The following MTUS2 variants were observed in gnomAD, a reference collection of about 807,000 sequenced individuals.
The protein encoded by MTUS2 is microtubule associated scaffold protein 2, also known as microtubule-associated tumor suppressor candidate 2.
In MTUS2, 40 loss-of-function variants were observed where a neutral mutation model predicts 114.1. That is an observed-to-expected ratio of 0.35 (90% CI 0.27 to 0.46). The LOEUF is 0.46. MTUS2 is among the 20% of genes least tolerant of loss of function. MTUS2 has a pLI of 1.00. For missense variants in MTUS2, 1,679 were observed against 1,705.4 expected, an observed-to-expected ratio of 0.98 and a Z score of 0.27; for synonymous variants, 688 against 672.0, an observed-to-expected ratio of 1.02 and a Z score of -0.37.
intron 9 of MTUS2, among the ~76,000 whole-genome samples, chr13:29,475,119 A>T (rs1015376777): frequency 4.6e-5 from 7 of 152,250 alleles, no homozygotes; most frequent in African/African-American, 1.4e-4. Flanking sequence ...CATGCACCAC[A>T]TAACAACATT....
intron 5 of MTUS2, among the ~76,000 whole-genome samples, chr13:29,161,630 A>G (rs527554004): frequency 1.8e-4 from 28 of 152,324 alleles, no homozygotes; most frequent in East Asian, 1.7e-3. Flanking sequence ...AGCATTGTCT[A>G]TACTCATTGC....
chr13:28,858,071 A>AAAAATGAG (rs1312372595), intron 2 of MTUS2, among the ~76,000 whole-genome samples: 6 of 152,200 alleles, frequency 3.9e-5, no homozygotes, highest in Non-Finnish European at 8.8e-5. Context: ...GACCTAATTG[A>AAAAATGAG]AAAATGAGAA....
chr13:29,206,642 C>T (rs1358626476), intron 5 of MTUS2, among the ~76,000 whole-genome samples: 1 of 152,156 alleles, frequency 6.6e-6, no homozygotes, highest in African/African-American at 2.4e-5. Context: ...CCAGTTATCT[C>T]AGCACCATTT....
intron 5 of MTUS2, among the ~76,000 whole-genome samples, chr13:29,169,355 A>G (rs1039465036): frequency 6.6e-6 from 1 of 152,216 alleles, no homozygotes; most frequent in Admixed American, 6.5e-5. Flanking sequence ...CTTAGAATTT[A>G]AGAGTAAAAT....
intron 5 of MTUS2, among the ~76,000 whole-genome samples, chr13:29,195,012 A>G (rs1006597797): frequency 8.1e-5 from 12 of 147,774 alleles, no homozygotes; most frequent in South Asian, 2.2e-4. Context: ...ACCAAACACC[A>G]CATATTCTCA....
chr13:28,958,584 T>C (rs1444023219), intron 2 of MTUS2, among the ~76,000 whole-genome samples: 1 of 152,152 alleles, frequency 6.6e-6, no homozygotes, highest in East Asian at 1.9e-4. Context: ...TGCACGCTGG[T>C]AAAAGTAGCA....
At chr13:29,357,835 A>G (rs1248846324) in intron 7 of MTUS2, among the ~76,000 whole-genome samples, 1 of 152,260 alleles carries the variant, frequency 6.6e-6, no homozygotes, top group Admixed American at 6.5e-5. Flanking sequence ...ATGACTTTTT[A>G]GGAGGAGAAG....
At chr13:29,002,022 G>A (rs751849381) in intron 2 of MTUS2, among the ~76,000 whole-genome samples, 1 of 152,164 alleles carries the variant, frequency 6.6e-6, no homozygotes, top group Non-Finnish European at 1.5e-5. Flanking sequence ...GAAAGAATGC[G>A]GCCCTGCCAG....
intron 2 of MTUS2, among the ~76,000 whole-genome samples, chr13:28,998,216 T>A (rs534505402): frequency 1.3e-5 from 2 of 152,148 alleles, no homozygotes; most frequent in Non-Finnish European, 2.9e-5. Context: ...TTGAATATTG[T>A]CCCCCACTCT....
At position 29,389,341 on chromosome 13, in the gene MTUS2, G is replaced by GTGTGTATATATGTATA. The variant is rs1566172446; in HGVS notation, c.3117+29868_3117+29869insTGTGTATATATGTATA. On this transcript the variant is annotated intron_variant, in intron 8 of 15. Transcript: ENST00000612955. ...TACACATATGTGTGTATATATGTAT[G>GTGTGTATATATGTATA]CACGTGTGTGTATATATGTATGCAC... Among the ~76,000 whole-genome samples, 45 of 80,002 alleles carry GTGTGTATATATGTATA rather than the reference G, an allele frequency of 5.6e-4. 1 individual carries two copies. The highest frequency in any genetic ancestry group is 3.0e-3 in the African/African-American group (41 of 13,746). 52.5% of individuals were successfully genotyped at this position (80,002 alleles called of 152,430 possible).
At chr13:29,111,642 G>A (rs1193264331) in intron 5 of MTUS2, among the ~76,000 whole-genome samples, 1 of 152,114 alleles carries the variant, frequency 6.6e-6, no homozygotes, top group Non-Finnish European at 1.5e-5. Flanking sequence ...GCTTCTCATG[G>A]GAACTTTGCC....
At chr13:29,012,875 A>G (rs1156460145) in intron 2 of MTUS2, among the ~76,000 whole-genome samples, 2 of 151,864 alleles carry the variant, frequency 1.3e-5, no homozygotes, top group African/African-American at 4.8e-5. Flanking sequence ...CTACATCTCA[A>G]TAAAAAAAAG....
At chr13:28,972,822 C>A (rs1883913785) in intron 2 of MTUS2, among the ~76,000 whole-genome samples, 3 of 152,130 alleles carry the variant, frequency 2.0e-5, no homozygotes. Flanking sequence ...TGTACATCCA[C>A]TTCTAAGAGA....
intron 10 of MTUS2, chr13:29,485,016 A>G (rs1291550598): frequency 1.3e-5 from 2 of 152,388 alleles, no homozygotes; most frequent in Non-Finnish European, 2.9e-5. Flanking sequence ...AGACACCTCC[A>G]TGGCCCAGCC....
intron 4 of MTUS2, among the ~76,000 whole-genome samples, chr13:29,047,725 G>T (rs572644666): frequency 6.6e-6 from 1 of 152,098 alleles, no homozygotes; most frequent in Non-Finnish European, 1.5e-5. Flanking sequence ...GTGTTAGCCA[G>T]GATGGTCTCG....
At chr13:29,351,709 C>T (rs1332907200) in intron 7 of MTUS2, among the ~76,000 whole-genome samples, 1 of 151,922 alleles carries the variant, frequency 6.6e-6, no homozygotes, top group Non-Finnish European at 1.5e-5. Flanking sequence ...CTCGAGCAAT[C>T]ATCCCACCTC....
At chr13:29,345,282 A>G (rs1213551211) in intron 7 of MTUS2, among the ~76,000 whole-genome samples, 1 of 152,088 alleles carries the variant, frequency 6.6e-6, no homozygotes, top group Admixed American at 6.5e-5. Context: ...TTCCTTTCTC[A>G]GAAACACCAA....
intron 8 of MTUS2, among the ~76,000 whole-genome samples, chr13:29,425,290 G>A (rs1210268548): frequency 1.3e-5 from 2 of 152,252 alleles, no homozygotes; most frequent in African/African-American, 2.4e-5. Flanking sequence ...GCACGCACCT[G>A]TAATCCCAGC....
In MTUS2 at chr13:28,975,883, C is replaced by T. The variant is rs1377226052; in HGVS notation, c.-242-48574C>T. ...TTATAAAGATGAGCAATGCAGGATT[C>T]CTTCCCTCTTGGAGCGTACAGTGGA... On this transcript the variant is annotated intron_variant, in intron 2 of 15. Coordinates refer to ENST00000612955, the MANE Select transcript of MTUS2 (RefSeq NM_001033602.4). Among the ~76,000 whole-genome samples the T allele has an allele frequency of 2.6e-5, 4 of 152,106 alleles. No homozygotes were observed. The East Asian group carries it at 7.7e-4, about 29-fold the overall frequency.
Sources: allele counts gnomAD v4.1 joint callset (sites outside exome capture counted in the v4.1 genomes callset), GRCh38; gene constraint gnomAD v4.1.1; transcripts MANE v1.5; gene names NCBI Gene and HGNC (gene_info 2026-07-23, HGNC 2026-07-21).